EXOC3: variants seen among roughly 807,000 people sequenced by gnomAD.
EXOC3 encodes the protein exocyst complex component 3, also known as SEC6-like 1.
EXOC3 carries 21 observed loss-of-function variants against 73.7 expected under a neutral mutation model. The observed-to-expected ratio is 0.29, with a 90% CI of 0.20 to 0.41. EXOC3 has a LOEUF of 0.41. Ranked by LOEUF, EXOC3 falls within the 10% of genes least tolerant of loss-of-function variation. The pLI, the probability that EXOC3 is intolerant of heterozygous loss-of-function variation, is 1.00. For synonymous variants in EXOC3, 410 were observed against 389.1 expected, an observed-to-expected ratio of 1.05 and a Z score of -0.63; for missense variants, 842 against 985.1, an observed-to-expected ratio of 0.85 and a Z score of 1.95.
In EXOC3 at chr5:461,998, T is replaced by A; in HGVS notation, c.1430T>A (p.Leu477Gln). The change falls in exon 8 of 13, where the codon CTG becomes CAG. Residue 477 changes from leucine to glutamine, a missense_variant. Leu to Gln is a moderately radical substitution (Grantham distance 113). Transcript: ENST00000512944. Reference protein sequence around the residue: ...DEAQLYKEEHLRNRQHPHCYV... With the variant: ...DEAQLYKEEHQRNRQHPHCYV... ...GCGCAGCTGTATAAAGAAGAGCACC[T>A]GAGGAATCGGCAGCACCCTCACTGC... The A allele has an allele frequency of 1.2e-6, 2 of 1,604,402 alleles. No individual in the cohort carries two copies. The highest frequency in any genetic ancestry group is 1.7e-6 in the Non-Finnish European group (2 of 1,175,262).
At chr5:455,388 A>AG (rs1491309431) in intron 4 of EXOC3, among the ~76,000 whole-genome samples, 2 of 152,340 alleles carry the variant, frequency 1.3e-5, no homozygotes, top group African/African-American at 2.4e-5. Flanking sequence ...GGCCTTTCTC[A>AG]GGGGAGGTTG....
chr5:466,223 G>T (rs957313184), intron 12 of EXOC3: 137 of 278,364 alleles, frequency 4.9e-4, no homozygotes, highest in African/African-American at 2.9e-3. Context: ...CCCAAGTGCA[G>T]CTTGGACCAG....
chr5:445,747 G>A (rs1482029090), intron 1 of EXOC3, among the ~76,000 whole-genome samples: 1 of 152,212 alleles, frequency 6.6e-6, no homozygotes, highest in Non-Finnish European at 1.5e-5. Context: ...CGCTGTATTT[G>A]TCTTCACTGA....
At chr5:446,007 A>G (rs1737495526) in intron 1 of EXOC3, 143 bp from the exon 2 acceptor site, 1 of 603,218 alleles carries the variant, frequency 1.7e-6, no homozygotes, top group African/African-American at 1.9e-5. Context: ...CTTATCAAGG[A>G]GTTCCTCATC....
chr5:463,160 A>G (rs1738039193), intron 9 of EXOC3, among the ~76,000 whole-genome samples: 1 of 152,150 alleles, frequency 6.6e-6, no homozygotes, highest in Non-Finnish European at 1.5e-5. Context: ...GTCCTGCTGG[A>G]AAGGGGTTCC....
At chr5:457,642 C>G in intron 5 of EXOC3, 1 of 379,512 alleles carries the variant, frequency 2.6e-6, no homozygotes, top group Non-Finnish European at 4.9e-6. Flanking sequence ...GAGGTGCAGC[C>G]AAAAGGGCAT....
chr5:463,002 G>C (rs1738034319), intron 9 of EXOC3, among the ~76,000 whole-genome samples: 1 of 152,218 alleles, frequency 6.6e-6, no homozygotes, highest in Non-Finnish European at 1.5e-5. Context: ...CTGCTTGGGA[G>C]GCTGAGGCAG....
intron 12 of EXOC3, chr5:466,295 C>T (rs964293427): frequency 8.3e-6 from 2 of 241,068 alleles, no homozygotes; most frequent in Non-Finnish European, 1.6e-5. Flanking sequence ...AGGGGACCCA[C>T]GCACGTCCCC....
At chr5:458,565 C>A (rs183403465) in intron 6 of EXOC3, among the ~76,000 whole-genome samples, 1 of 152,154 alleles carries the variant, frequency 6.6e-6, no homozygotes, top group Non-Finnish European at 1.5e-5. Flanking sequence ...AGTATTAGAC[C>A]GACCTGCATT....
At position 464,430 on chromosome 5, in the gene EXOC3, A is replaced by G. The variant is rs769885935; in HGVS notation, c.1776+18A>G. ...ATAAGAAGGTAAGAAGGTGGGACCTAGTTCCCTCATCACCTTGACGCTAGG... is the reference window on the plus strand; with the variant it reads ...ATAAGAAGGTAAGAAGGTGGGACCTGGTTCCCTCATCACCTTGACGCTAGG... On this transcript the variant is annotated intron_variant, in intron 10 of 12. Coordinates refer to ENST00000512944, the MANE Select transcript of EXOC3 (RefSeq NM_007277.5). 1.9e-6 allele frequency: 3 copies of G among 1,611,964 alleles called. No individual in the cohort carries two copies. Among genetic ancestry groups the G allele is most frequent in the Non-Finnish European group, 2.5e-6 (3 of 1,178,618 alleles).
At chr5:450,369 A>C (rs1170571811) in intron 3 of EXOC3, among the ~76,000 whole-genome samples, 2 of 152,136 alleles carry the variant, frequency 1.3e-5, no homozygotes, top group Non-Finnish European at 2.9e-5. Context: ...TCTGATACTG[A>C]TTTCTAATGT....
chr5:444,269 C>A (rs1482838822), intron 1 of EXOC3, among the ~76,000 whole-genome samples: 2 of 152,244 alleles, frequency 1.3e-5, no homozygotes. Flanking sequence ...CTTTAGTCTT[C>A]AGGCTGGGAT....
rs933233535 is a variant in EXOC3 at position 465,765 on chromosome 5, G to A, written c.1986G>A (p.Val662=). 1.9e-6 allele frequency: 3 copies of A among 1,613,814 alleles called. No individual in the cohort carries two copies. The highest frequency in any genetic ancestry group is 2.5e-6 in the Non-Finnish European group (3 of 1,179,874). The change falls in exon 12 of 13, where the codon GTG becomes GTA. Residue 662 remains valine (V), a synonymous_variant. Coordinates refer to ENST00000512944, the MANE Select transcript of EXOC3 (RefSeq NM_007277.5). ...VDGYCDTIVA[V]AEVIKLTDPS... ...GATACTGCGACACCATCGTGGCTGT[G>A]GCCGAAGTGATCAAGCTGACAGACC...
At chr5:457,082 A>C (rs1737840337) in intron 5 of EXOC3, 76 bp downstream of exon 5, 1 of 1,014,788 alleles carries the variant, frequency 9.9e-7, no homozygotes, top group East Asian at 2.5e-5. Context: ...AGCAGGCAGG[A>C]GGCAGGGGGG....
chr5:465,817 A>G lies in EXOC3; in HGVS notation c.2038A>G (p.Thr680Ala). The G allele has an allele frequency of 6.2e-7, 1 of 1,612,316 alleles. No individual in the cohort carries two copies. Residue 680 changes from threonine (T) to alanine (A), a missense_variant, in exon 12 of 13, where the codon ACT becomes GCT. Physicochemically the swap from Thr to Ala is moderately conservative, Grantham distance 58. Coordinates refer to ENST00000512944, the MANE Select transcript of EXOC3 (RefSeq NM_007277.5). ...TTCTCTGCTCTACCTGGAGGTCTCC[A>G]CTCTGGTCAGCAAGTATCCAGACAT... ...DPSLLYLEVS[T>A]LVSKYPDIRD...
intron 6 of EXOC3, 62 bp from the exon 7 acceptor site, chr5:459,296 AC>A (rs1737914147): frequency 1.3e-6 from 1 of 788,280 alleles, no homozygotes. Flanking sequence ...ATAACAGCAA[AC>A]CTGCACTCTT....
In EXOC3 at chr5:464,423, G is replaced by A. The variant is rs750384532; in HGVS notation, c.1776+11G>A. On this transcript the variant is annotated intron_variant, in intron 10 of 12. Transcript: ENST00000512944. Reference sequence around the variant, plus strand: ...AAGCCGTATAAGAAGGTAAGAAGGTGGGACCTAGTTCCCTCATCACCTTGA... The same window carrying A: ...AAGCCGTATAAGAAGGTAAGAAGGTAGGACCTAGTTCCCTCATCACCTTGA... The A allele has an allele frequency of 1.2e-6, 2 of 1,612,666 alleles. No individual in the cohort carries two copies. Among genetic ancestry groups the A allele is most frequent in the Admixed American group, 3.3e-5 (2 of 59,972 alleles).
At position 465,097 on chromosome 5, in the gene EXOC3, G is replaced by C. The variant is rs554117405; in HGVS notation, c.1777-14G>C. The stretch of plus-strand genomic sequence containing the variant: ...AGCCGTGGAGCCTGCCGCTGACCGC[G>C]CGTGTCTCCCCAGAGGATGACGGCC... On this transcript the variant is annotated splice_polypyrimidine_tract_variant and intron_variant, in intron 10 of 12. Coordinates refer to ENST00000512944, the MANE Select transcript of EXOC3 (RefSeq NM_007277.5). The C allele has an allele frequency of 1.3e-4, 199 of 1,551,292 alleles. 3 individuals are homozygous for C. The South Asian group carries it at 2.2e-3, about 17-fold the overall frequency.
chr5:446,780 C>A (rs979114546), intron 2 of EXOC3, among the ~76,000 whole-genome samples: 3 of 152,058 alleles, frequency 2.0e-5, no homozygotes, highest in Non-Finnish European at 4.4e-5. Flanking sequence ...TCGCTTGAAC[C>A]CAGGAGGCAG....
Sources: allele counts gnomAD v4.1 joint callset (sites outside exome capture counted in the v4.1 genomes callset), GRCh38; gene constraint gnomAD v4.1.1; transcripts MANE v1.5; gene names NCBI Gene and HGNC (gene_info 2026-07-23, HGNC 2026-07-21).